The following RAPGEF4 variants were observed in gnomAD, a reference collection of about 807,000 sequenced individuals.
RAPGEF4 encodes the protein RAP guanine-nucleotide-exchange factor (GEF) 4.
RAPGEF4 carries 66 observed loss-of-function variants against 147.9 expected under a neutral mutation model. That is an observed-to-expected ratio of 0.45 (90% confidence interval 0.37 to 0.55). The LOEUF is 0.55. Ranked by LOEUF, RAPGEF4 falls within the 20% of genes least tolerant of loss-of-function variation. The pLI, the probability that RAPGEF4 is intolerant of heterozygous loss-of-function variation, is 0.00. For missense variants in RAPGEF4, 1,071 were observed against 1,257.3 expected (o/e 0.85, Z 2.24); for synonymous variants, 419 against 442.7 (o/e 0.95, Z 0.67).
intron 6 of RAPGEF4, among the ~76,000 whole-genome samples, chr2:172,927,516 A>C (rs1012883994): frequency 6.6e-6 from 1 of 152,176 alleles, no homozygotes; most frequent in Non-Finnish European, 1.5e-5. Flanking sequence ...CATGCCAGTA[A>C]TCCTAACTAC....
At chr2:172,816,793 G>A (rs1270150855) in intron 4 of RAPGEF4, among the ~76,000 whole-genome samples, 1 of 152,192 alleles carries the variant, frequency 6.6e-6, no homozygotes, top group East Asian at 1.9e-4. Context: ...GGAGTGGATA[G>A]TTTTTAGTCT....
intron 15 of RAPGEF4, among the ~76,000 whole-genome samples, chr2:172,993,666 C>G (rs1693045462): frequency 6.6e-6 from 1 of 152,114 alleles, no homozygotes; most frequent in Non-Finnish European, 1.5e-5. Flanking sequence ...TGGCAGTGGA[C>G]AGTGGGAAAC....
chr2:172,876,681 G>A (rs374594011), intron 4 of RAPGEF4, among the ~76,000 whole-genome samples: 2 of 152,154 alleles, frequency 1.3e-5, no homozygotes, highest in African/African-American at 4.8e-5. Context: ...TTGCATCAAT[G>A]TTCATCAGGG....
intron 4 of RAPGEF4, among the ~76,000 whole-genome samples, chr2:172,851,382 C>T (rs1692807277): frequency 6.6e-6 from 1 of 152,000 alleles, no homozygotes; most frequent in Non-Finnish European, 1.5e-5. Flanking sequence ...AGAGTATATG[C>T]CACGTGCAGA....
At chr2:172,896,931 C>G (rs1439475878) in intron 4 of RAPGEF4, among the ~76,000 whole-genome samples, 1 of 152,148 alleles carries the variant, frequency 6.6e-6, no homozygotes, top group Non-Finnish European at 1.5e-5. Flanking sequence ...CATGCCAGTT[C>G]TCTTGGCATG....
chr2:172,785,305 A>C (rs1156919179), intron 1 of RAPGEF4, among the ~76,000 whole-genome samples: 1 of 152,224 alleles, frequency 6.6e-6, no homozygotes, highest in African/African-American at 2.4e-5. Flanking sequence ...CCTATCCATA[A>C]AACCTCTAAA....
At chr2:172,936,234 G>A (rs111604207) in intron 6 of RAPGEF4, among the ~76,000 whole-genome samples, 9,922 of 152,178 alleles carry the variant, frequency 0.065, 443 homozygotes, top group Middle Eastern at 0.1. Flanking sequence ...CGGGCATGGC[G>A]TGTGTGCCTG....
At chr2:172,969,927 A>G (rs759615517) in intron 10 of RAPGEF4, among the ~76,000 whole-genome samples, 3 of 152,182 alleles carry the variant, frequency 2.0e-5, no homozygotes, top group Non-Finnish European at 4.4e-5. Flanking sequence ...ACACTCTTCC[A>G]TTATATCGCT....
At chr2:172,833,232 A>G (rs1690560575) in intron 4 of RAPGEF4, among the ~76,000 whole-genome samples, 1 of 145,880 alleles carries the variant, frequency 6.9e-6, no homozygotes, top group Admixed American at 6.9e-5. Flanking sequence ...CAAAAAAGGT[A>G]TGGCACTGAA....
chr2:172,999,342 C>G (rs998512963), intron 16 of RAPGEF4, among the ~76,000 whole-genome samples: 1 of 152,140 alleles, frequency 6.6e-6, no homozygotes. Flanking sequence ...TCCCTCCTGT[C>G]CTGGACACTA....
At chr2:172,813,831 G>A (rs1688247972) in intron 3 of RAPGEF4, among the ~76,000 whole-genome samples, 2 of 152,168 alleles carry the variant, frequency 1.3e-5, no homozygotes, top group African/African-American at 2.4e-5. Flanking sequence ...ACCAGCAGGA[G>A]GATGATAAGC....
At chr2:172,889,480 C>T (rs1385661748) in intron 4 of RAPGEF4, among the ~76,000 whole-genome samples, 1 of 152,130 alleles carries the variant, frequency 6.6e-6, no homozygotes, top group Non-Finnish European at 1.5e-5. Context: ...CATAGAACTA[C>T]TTTGCATTTA....
intron 29 of RAPGEF4, among the ~76,000 whole-genome samples, chr2:173,038,982 C>T (rs950582846): frequency 6.6e-6 from 1 of 152,120 alleles, no homozygotes; most frequent in Non-Finnish European, 1.5e-5. Context: ...CACTTCATAC[C>T]CAGAGCAGTG....
At chr2:172,820,631 T>C (rs769990629) in intron 4 of RAPGEF4, among the ~76,000 whole-genome samples, 7 of 152,202 alleles carry the variant, frequency 4.6e-5, no homozygotes, top group Non-Finnish European at 1.0e-4. Context: ...CAGTAAACAT[T>C]GTTAACTGAC....
intron 6 of RAPGEF4, among the ~76,000 whole-genome samples, chr2:172,945,894 C>T (rs1365287731): frequency 6.6e-6 from 1 of 152,160 alleles, no homozygotes; most frequent in African/African-American, 2.4e-5. Context: ...TCCAAAGTTA[C>T]CTTCAATGCA....
chr2:172,904,996 G>A (rs867034090), intron 4 of RAPGEF4, among the ~76,000 whole-genome samples: 9 of 151,846 alleles, frequency 5.9e-5, no homozygotes, highest in South Asian at 2.1e-4. Context: ...GTGTGCTGAG[G>A]CCTCACTACC....
intron 4 of RAPGEF4, among the ~76,000 whole-genome samples, chr2:172,824,773 C>T (rs1047656371): frequency 6.6e-6 from 1 of 152,144 alleles, no homozygotes; most frequent in Non-Finnish European, 1.5e-5. Context: ...TCACTGTATG[C>T]CTATGAGAGA....
chr2:172,925,521 C>T (rs929696924), intron 6 of RAPGEF4, among the ~76,000 whole-genome samples: 4 of 151,828 alleles, frequency 2.6e-5, no homozygotes, highest in African/African-American at 9.7e-5. Flanking sequence ...CTGGAACCTA[C>T]AAAATATCAA....
intron 6 of RAPGEF4, among the ~76,000 whole-genome samples, chr2:172,934,880 C>T (rs1312593813): frequency 1.3e-5 from 2 of 152,072 alleles, no homozygotes; most frequent in Non-Finnish European, 2.9e-5. Flanking sequence ...CAAGCCACCT[C>T]GAAAGCAAAC....
Sources: gnomAD v4.1 joint callset for allele counts (sites outside exome capture counted in the v4.1 genomes callset) on GRCh38, gnomAD v4.1.1 for gene constraint, MANE v1.5 for transcripts, NCBI Gene and HGNC (gene_info 2026-07-23, HGNC 2026-07-21) for gene names.